Variants in THADA observed in about 807,000 individuals in gnomAD.
The protein encoded by THADA is tRNA (32-2'-O)-methyltransferase regulator THADA.
Under a neutral mutation model 219.8 loss-of-function variants are expected in THADA, and 213 were observed. That is an observed-to-expected ratio of 0.97 (90% CI 0.87 to 1.09). The LOEUF is 1.09. THADA is among the 50% of genes least tolerant of loss of function. The pLI is 0.00. For synonymous variants in THADA, 1,018 were observed against 828.9 expected (o/e 1.23, Z -3.92); for missense variants, 2,956 against 2,311.3 (o/e 1.28, Z -5.72).
chr2:43,233,880 T>C (rs1466415065), intron 36 of THADA, among the ~76,000 whole-genome samples: 1 of 152,126 alleles, frequency 6.6e-6, no homozygotes, highest in Non-Finnish European at 1.5e-5. Flanking sequence ...CCAACTGACA[T>C]TGAAAGGCCT....
intron 26 of THADA, among the ~76,000 whole-genome samples, chr2:43,462,683 C>T (rs919114139): frequency 5.9e-5 from 9 of 152,156 alleles, no homozygotes; most frequent in African/African-American, 2.2e-4. Context: ...TTCTATCATT[C>T]TCTTATACAC....
chr2:43,548,937 G>A (rs1024814793), intron 20 of THADA, among the ~76,000 whole-genome samples: 1 of 152,196 alleles, frequency 6.6e-6, no homozygotes, highest in African/African-American at 2.4e-5. Flanking sequence ...AGATGGAAAT[G>A]CAGAAATCAC....
Position 43,279,892 on chromosome 2 carries a change from C to A in THADA, c.5169G>T (p.Leu1723Phe). The change falls in exon 36 of 38, where the codon TTG (leucine) becomes TTT (phenylalanine). Residue 1723 changes from leucine to phenylalanine, a missense_variant. Leu to Phe is a conservative substitution (Grantham distance 22). Coordinates refer to ENST00000405975, the MANE Select transcript of THADA (RefSeq NM_022065.5). ...ACTTCCAGAGAGCAAGTGTATCCTG[C>A]AACTCTAAGAAGACCAAAAGGAATC... is the stretch of plus-strand genomic sequence containing the variant. ...FLTNPHPILE[L>F]QDTLALWKCV... 1 of 1,532,480 alleles carries A rather than the reference C, an allele frequency of 6.5e-7. No individual in the cohort carries two copies. The highest frequency in any genetic ancestry group is 8.7e-7 in the Non-Finnish European group (1 of 1,145,548). The allele number at this position is 1,532,480 out of a possible 1,614,324, so 94.9% of individuals were successfully genotyped here. A position where few individuals can be genotyped will look rare whatever the true frequency, so the allele number is the denominator to read the frequency against.
chr2:43,381,831 T>G (rs887350636), intron 29 of THADA, among the ~76,000 whole-genome samples: 2 of 152,116 alleles, frequency 1.3e-5, no homozygotes, highest in Non-Finnish European at 2.9e-5. Context: ...GTGATCTGCC[T>G]GCCTCGGCCT....
chr2:43,319,987 G>T (rs1396831156), intron 31 of THADA, among the ~76,000 whole-genome samples: 1 of 152,206 alleles, frequency 6.6e-6, no homozygotes, highest in Non-Finnish European at 1.5e-5. Context: ...CAAGAAACAT[G>T]TGGAAAGTCA....
intron 31 of THADA, among the ~76,000 whole-genome samples, chr2:43,299,526 A>G (rs1379599721): frequency 6.6e-6 from 1 of 151,494 alleles, no homozygotes; most frequent in Non-Finnish European, 1.5e-5. Flanking sequence ...GCTGGGCGTG[A>G]TGGTGGGCAC....
chr2:43,375,650 C>A (rs865940658), intron 29 of THADA, among the ~76,000 whole-genome samples: 1 of 152,132 alleles, frequency 6.6e-6, no homozygotes. Flanking sequence ...TAAATGTTTT[C>A]TTTTTCTAAA....
rs575629564 is a variant in THADA, at chr2:43,561,936, C to T, written c.2312-1551G>A. The stretch of plus-strand genomic sequence containing the variant: ...CCTTCCTATTTCTAGTTTTGCTGTG[C>T]TCATTTTTTTAATCATAAAAGGGTA... On this transcript the variant is annotated intron_variant, in intron 15 of 37. Transcript: ENST00000405975. Among the ~76,000 whole-genome samples, 45 of 152,252 alleles carry T rather than the reference C, an allele frequency of 3.0e-4. 1 individual carries two copies. The South Asian group carries it at 8.9e-3, about 30-fold the overall frequency.
At position 43,547,188 on chromosome 2, in the gene THADA, T is replaced by C. The variant is rs1294369772; in HGVS notation, c.3106+2022A>G. Reference sequence around the variant, plus strand: ...TGAAAATTCTTTTCTTTAAGAATGTTGAATATTGGCCCCCACTCTCTTCTG... The same window carrying C: ...TGAAAATTCTTTTCTTTAAGAATGTCGAATATTGGCCCCCACTCTCTTCTG... On this transcript the variant is annotated intron_variant, in intron 20 of 37. Coordinates refer to ENST00000405975, the MANE Select transcript of THADA (RefSeq NM_022065.5). Among the ~76,000 whole-genome samples, 3 of 152,218 alleles carry C rather than the reference T, an allele frequency of 2.0e-5. No individual in the cohort carries two copies. In the East Asian group the frequency reaches 5.8e-4, roughly 29 times the overall value.
intron 26 of THADA, among the ~76,000 whole-genome samples, chr2:43,442,132 T>G (rs1248391792): frequency 6.6e-6 from 1 of 152,074 alleles, no homozygotes; most frequent in Non-Finnish European, 1.5e-5. Context: ...ATGGATAGTT[T>G]TGTGGGGAAA....
At chr2:43,594,638 G>A (rs1472716602) in intron 1 of THADA, among the ~76,000 whole-genome samples, 2 of 152,070 alleles carry the variant, frequency 1.3e-5, no homozygotes, top group African/African-American at 2.4e-5. Flanking sequence ...TGCCCTTCAA[G>A]GCCCTAAATA....
At chr2:43,495,622 T>TA (rs1688173039) in intron 25 of THADA, among the ~76,000 whole-genome samples, 1 of 151,728 alleles carries the variant, frequency 6.6e-6, no homozygotes, top group African/African-American at 2.4e-5. Flanking sequence ...AATAGTCTTT[T>TA]CAAAAAAAAA....
At chr2:43,247,651 C>A (rs1471296889) in intron 36 of THADA, among the ~76,000 whole-genome samples, 1 of 145,418 alleles carries the variant, frequency 6.9e-6, no homozygotes, top group African/African-American at 2.6e-5. Context: ...ATCGCTTGAA[C>A]CCAGGAGGCG....
intron 31 of THADA, among the ~76,000 whole-genome samples, chr2:43,315,749 G>C (rs912744978): frequency 6.6e-6 from 1 of 152,230 alleles, no homozygotes; most frequent in African/African-American, 2.4e-5. Context: ...TTATAGGCGT[G>C]AGCCACTGCA....
chr2:43,380,449 CAA>C (rs1407756833), intron 29 of THADA, among the ~76,000 whole-genome samples: 2 of 152,066 alleles, frequency 1.3e-5, no homozygotes, highest in East Asian at 3.9e-4. Context: ...CACTGTTGGA[CAA>C]AGTTTACAGA....
intron 25 of THADA, among the ~76,000 whole-genome samples, chr2:43,488,699 A>G (rs904541414): frequency 1.3e-5 from 2 of 152,178 alleles, no homozygotes; most frequent in Non-Finnish European, 2.9e-5. Flanking sequence ...TATACCTAGA[A>G]GTAGTATTGC....
intron 21 of THADA, among the ~76,000 whole-genome samples, chr2:43,535,479 G>T (rs1380838066): frequency 2.0e-5 from 3 of 151,290 alleles, no homozygotes; most frequent in Non-Finnish European, 4.4e-5. Context: ...AGGAGTCTGA[G>T]ACCAGTCTGG....
intron 22 of THADA, among the ~76,000 whole-genome samples, chr2:43,520,989 A>AAGAAGG (rs1692372898): frequency 2.4e-4 from 12 of 50,220 alleles, no homozygotes; most frequent in Non-Finnish European, 1.7e-4. Context: ...GGAAGGGAGG[A>AAGAAGG]AAGGGAGGAA....
At chr2:43,279,951 C>T (rs1673151200) in intron 35 of THADA, 55 bp from the exon 36 acceptor site, 1 of 1,433,840 alleles carries the variant, frequency 7.0e-7, no homozygotes, top group Non-Finnish European at 9.1e-7. Flanking sequence ...CAGGCAGGTG[C>T]AAATACTGCT....
Sources: allele counts gnomAD v4.1 joint callset (sites outside exome capture counted in the v4.1 genomes callset), GRCh38; gene constraint gnomAD v4.1.1; transcripts MANE v1.5; gene names NCBI Gene and HGNC (gene_info 2026-07-23, HGNC 2026-07-21).